Variants in DLG1 observed in about 807,000 individuals in gnomAD.
The protein encoded by DLG1 is discs large MAGUK scaffold protein 1, also known as disks large homolog 1.
Under a neutral mutation model 123.4 loss-of-function variants are expected in DLG1, and 42 were observed. That is an observed-to-expected ratio of 0.34 (90% CI 0.27 to 0.44). DLG1 has a LOEUF of 0.44. DLG1 is among the 20% of genes least tolerant of loss of function. DLG1 has a pLI of 1.00. For synonymous variants in DLG1, 317 were observed against 356.2 expected (o/e 0.89, Z 1.24); for missense variants, 942 against 1,082.6 (o/e 0.87, Z 1.82).
Position 197,208,226 on chromosome 3 carries a change from A to C in DLG1, c.319-13637T>G, listed in dbSNP as rs1561461755. Among the ~76,000 whole-genome samples the C allele has an allele frequency of 2.0e-5, 3 of 146,742 alleles. 1 individual carries two copies. In the Admixed American group the frequency reaches 2.0e-4, roughly 10 times the overall value. On this transcript the variant is annotated intron_variant, in intron 4 of 24. Coordinates refer to ENST00000667157, the MANE Select transcript of DLG1 (RefSeq NM_001366207.1). ...GATATACTACTTCTCACATTATCAGATTGTCAAATATCCAAGTTTGATAAC... is the reference window on the plus strand; with the variant it reads ...GATATACTACTTCTCACATTATCAGCTTGTCAAATATCCAAGTTTGATAAC...
chr3:197,084,545 C>T (rs1247029742), intron 16 of DLG1, among the ~76,000 whole-genome samples: 2 of 151,744 alleles, frequency 1.3e-5, no homozygotes, highest in Non-Finnish European at 2.9e-5. Flanking sequence ...CTCCTGACCT[C>T]GTGATCCGCC....
chr3:197,137,776 C>T (rs1785787809), intron 9 of DLG1, among the ~76,000 whole-genome samples: 1 of 151,774 alleles, frequency 6.6e-6, no homozygotes, highest in African/African-American at 2.4e-5. Context: ...TTGAGACCAG[C>T]CTAGGCAATG....
intron 15 of DLG1, 75 bp from the exon 16 acceptor site, chr3:197,085,831 T>C (rs1444032060): frequency 2.1e-6 from 3 of 1,404,840 alleles, no homozygotes; most frequent in East Asian, 2.3e-5. Context: ...TCTGAAAGTA[T>C]ATGTAATTTG....
rs115802937 is a variant in DLG1 at position 197,221,199 on chromosome 3, G to A, written c.319-26610C>T. Among the ~76,000 whole-genome samples the A allele has an allele frequency of 3.8e-3, 585 of 152,274 alleles. 4 individuals carry two copies. Among genetic ancestry groups the A allele is most frequent in the African/African-American group, 0.013 (560 of 41,554 alleles). ...TATTTACTTTTGCTTCTGAAGGCTG[G>A]AACAAAGAAGTGAGAAGGATAAAGA... On this transcript the variant is annotated intron_variant, in intron 4 of 24. Coordinates refer to ENST00000667157, the MANE Select transcript of DLG1 (RefSeq NM_001366207.1).
chr3:197,197,695 A>AAT (rs1005183018), intron 4 of DLG1, among the ~76,000 whole-genome samples: 5 of 152,214 alleles, frequency 3.3e-5, no homozygotes, highest in African/African-American at 1.2e-4. Context: ...AGCCAGAAAT[A>AAT]ATCTTGAAAA....
chr3:197,145,055 T>TCTCA (rs1553956085), intron 6 of DLG1, among the ~76,000 whole-genome samples: 10,496 of 148,584 alleles, frequency 0.071, 448 homozygotes, highest in Admixed American at 0.14. Flanking sequence ...TCTCTCTCTC[T>TCTCA]CACACACACA....
chr3:197,264,947 A>C (rs936943149), intron 4 of DLG1, among the ~76,000 whole-genome samples: 2 of 152,162 alleles, frequency 1.3e-5, no homozygotes, highest in African/African-American at 2.4e-5. Flanking sequence ...ACCCCTTACT[A>C]TATTATTTTT....
chr3:197,298,286 G>C (rs1778504728), intron 1 of DLG1: 1 of 381,730 alleles, frequency 2.6e-6, no homozygotes, highest in Non-Finnish European at 4.6e-6. Flanking sequence ...GAACGGAAGG[G>C]GTACCCGGGG....
chr3:197,228,397 T>C (rs927214543), intron 4 of DLG1, among the ~76,000 whole-genome samples: 1 of 152,266 alleles, frequency 6.6e-6, no homozygotes. Context: ...ACTTAGCCTG[T>C]GCTCTTAATA....
At chr3:197,252,392 T>A (rs190838169) in intron 4 of DLG1, among the ~76,000 whole-genome samples, 1 of 152,306 alleles carries the variant, frequency 6.6e-6, no homozygotes, top group East Asian at 1.9e-4. Context: ...TAATAGAATA[T>A]TATTCAGCTT....
At chr3:197,075,645 T>C (rs1445389058) in intron 18 of DLG1, among the ~76,000 whole-genome samples, 1 of 151,890 alleles carries the variant, frequency 6.6e-6, no homozygotes, top group Non-Finnish European at 1.5e-5. Flanking sequence ...ATGTGAAAAA[T>C]AAAAACAAAA....
chr3:197,152,639 T>A (rs1330480438), intron 5 of DLG1, among the ~76,000 whole-genome samples: 1 of 151,370 alleles, frequency 6.6e-6, no homozygotes, highest in Non-Finnish European at 1.5e-5. Context: ...GGCAGGCGCC[T>A]GTAGTCCCAG....
At chr3:197,079,202 G>GT (rs1397249949) in intron 17 of DLG1, among the ~76,000 whole-genome samples, 1 of 152,130 alleles carries the variant, frequency 6.6e-6, no homozygotes, top group African/African-American at 2.4e-5. Flanking sequence ...GAGAGACAGT[G>GT]TAAGAATTGA....
At chr3:197,074,124 T>C (rs1405163486) in intron 18 of DLG1, among the ~76,000 whole-genome samples, 1 of 152,144 alleles carries the variant, frequency 6.6e-6, no homozygotes, top group Non-Finnish European at 1.5e-5. Context: ...TTTTATGTGA[T>C]AACCTCCATC....
At chr3:197,056,034 G>C (rs1731440898) in intron 23 of DLG1, among the ~76,000 whole-genome samples, 1 of 152,194 alleles carries the variant, frequency 6.6e-6, no homozygotes, top group African/African-American at 2.4e-5. Flanking sequence ...ATGGGACTGA[G>C]GGTAGACGAA....
At chr3:197,146,021 A>G (rs1233909781) in intron 6 of DLG1, among the ~76,000 whole-genome samples, 1 of 151,376 alleles carries the variant, frequency 6.6e-6, no homozygotes, top group African/African-American at 2.4e-5. Flanking sequence ...AATAAATAAA[A>G]TAAAATAAAA....
Position 197,090,924 on chromosome 3 carries a change from G to A in DLG1, c.1649C>T (p.Ser550Phe). ...SGSLRTSQKR[S>F]LYVRALFDYD... ...TAAAAAAATTTACCTGACATAGAGG[G>A]ATCGCTTCTGGCTAGTTCGAAGAGA... is the stretch of plus-strand genomic sequence containing the variant. Residue 550 changes from serine (S) to phenylalanine (F), a missense_variant, in exon 15 of 25, where the codon TCC (serine) becomes TTC (phenylalanine). Transcript: ENST00000667157. 6.2e-7 allele frequency: 1 copy of A among 1,600,190 alleles called. No individual in the cohort carries two copies. Among genetic ancestry groups the A allele is most frequent in the Non-Finnish European group, 8.5e-7 (1 of 1,170,318 alleles).
At chr3:197,153,096 C>G (rs1484243066) in intron 5 of DLG1, among the ~76,000 whole-genome samples, 1 of 152,136 alleles carries the variant, frequency 6.6e-6, no homozygotes, top group Non-Finnish European at 1.5e-5. Flanking sequence ...TGAACAAGTG[C>G]TTTACAAGTG....
intron 18 of DLG1, chr3:197,075,738 T>C (rs1386456004): frequency 6.8e-6 from 7 of 1,030,272 alleles, no homozygotes; most frequent in Non-Finnish European, 1.5e-6. Context: ...CACCTCCTTA[T>C]GCCAGAAAGG....
Sources: gnomAD v4.1 joint callset for allele counts (sites outside exome capture counted in the v4.1 genomes callset) on GRCh38, gnomAD v4.1.1 for gene constraint, MANE v1.5 for transcripts, NCBI Gene and HGNC (gene_info 2026-07-23, HGNC 2026-07-21) for gene names.